The following CACNB1 variants were observed in gnomAD, a reference collection of about 807,000 sequenced individuals.
The protein encoded by CACNB1 is calcium voltage-gated channel auxiliary subunit beta 1.
CACNB1 carries 29 observed loss-of-function variants against 71.6 expected under a neutral mutation model. The observed-to-expected ratio is 0.40, with a 90% CI of 0.30 to 0.55. The LOEUF is 0.55. Ranked by LOEUF, CACNB1 falls within the 20% of genes least tolerant of loss-of-function variation. The pLI is 0.38. For synonymous variants in CACNB1, 300 were observed against 319.6 expected, an observed-to-expected ratio of 0.94 and a Z score of 0.65; for missense variants, 623 against 801.8, an observed-to-expected ratio of 0.78 and a Z score of 2.69.
At position 39,174,911 on chromosome 17, in the gene CACNB1, G is replaced by T. The variant is rs976225271; in HGVS notation, c.*282C>A. The T allele has an allele frequency of 2.2e-6, 1 of 453,766 alleles. No homozygotes were observed. The highest frequency in any genetic ancestry group is 3.9e-6 in the Non-Finnish European group (1 of 253,786). 28.1% of individuals were successfully genotyped at this position (453,766 alleles called of 1,614,324 possible). A position where few individuals can be genotyped will look rare whatever the true frequency, so the allele number is the denominator to read the frequency against. On this transcript the variant is annotated 3_prime_UTR_variant, in exon 14 of 14. Coordinates refer to ENST00000394303, the MANE Select transcript of CACNB1 (RefSeq NM_000723.5). ...GGAAGTGCACCTTTTCTCTAGGAGG[G>T]TGAGGGAGGAGAGCCCCTTAAGATG... is the stretch of plus-strand genomic sequence containing the variant.
intron 3 of CACNB1, 54 bp from the exon 4 acceptor site, chr17:39,187,655 T>C (rs1391324441): frequency 1.7e-5 from 27 of 1,596,740 alleles, no homozygotes; most frequent in Non-Finnish European, 2.1e-5. Flanking sequence ...CACAATGTAA[T>C]GTACAACTTC....
Position 39,186,003 on chromosome 17 carries a change from T to C in CACNB1, c.628+493A>G. On this transcript the variant is annotated intron_variant, in intron 6 of 13. Coordinates refer to ENST00000394303, the MANE Select transcript of CACNB1 (RefSeq NM_000723.5). This position sits in a 1 kb window ranked among gnomAD's most constrained non-coding sequence, Gnocchi z 4.1. ...TGGGGTGGCGGGGTGGTGACACTGC[T>C]AACACTAGTCTTGGCAGAGCCACTC... 1.2e-6 allele frequency: 2 copies of C among 1,613,792 alleles called. No homozygotes were observed. The highest frequency in any genetic ancestry group is 1.7e-6 in the Non-Finnish European group (2 of 1,179,894).
intron 3 of CACNB1, among the ~76,000 whole-genome samples, chr17:39,188,695 A>G (rs2046001583): frequency 6.6e-6 from 1 of 152,212 alleles, no homozygotes; most frequent in African/African-American, 2.4e-5. Flanking sequence ...CGGGGCACTC[A>G]GGAATGAAAA....
chr17:39,180,769 G>C (rs115493398), intron 11 of CACNB1, among the ~76,000 whole-genome samples: 1,805 of 152,092 alleles, frequency 0.012, 44 homozygotes, highest in African/African-American at 0.041. Context: ...ATAGAGACAG[G>C]GTCTTGCCAT....
At chr17:39,195,845 G>C (rs1028490370) in intron 1 of CACNB1, among the ~76,000 whole-genome samples, 2 of 152,168 alleles carry the variant, frequency 1.3e-5, no homozygotes, top group Non-Finnish European at 2.9e-5. Flanking sequence ...CACCACATGA[G>C]CCTAGGACAC....
chr17:39,182,428 C>G (rs1381038540), intron 11 of CACNB1, among the ~76,000 whole-genome samples: 1 of 151,824 alleles, frequency 6.6e-6, no homozygotes, highest in Non-Finnish European at 1.5e-5. Flanking sequence ...AGGCTGGGTG[C>G]GGTAGCTCAC....
At chr17:39,193,414 C>T (rs1050983945) in intron 2 of CACNB1, 14 of 435,466 alleles carry the variant, frequency 3.2e-5, no homozygotes, top group African/African-American at 2.7e-4. Flanking sequence ...AGAGGCTGTT[C>T]TACCCGCTGC....
chr17:39,175,328 G>A lies in CACNB1; in HGVS notation c.1662C>T (p.Asp554=), dbSNP rs376482465. The A allele has an allele frequency of 3.1e-6, 5 of 1,614,068 alleles. No homozygotes were observed. The African/African-American group carries it at 4.0e-5, about 13-fold the overall frequency. The stretch of plus-strand genomic sequence containing the variant: ...GGTTGTCGGTCAGCTCTTCCTCATA[G>A]TCTTCTTCCTCGTCCTCCCAGGATC... The part of the protein sequence containing the change: ...RQGSWEDEEE[D]YEEELTDNRN... The change falls in exon 14 of 14, where the codon GAC becomes GAT. Residue 554 remains aspartate (D), a synonymous_variant. Coordinates refer to ENST00000394303, the MANE Select transcript of CACNB1 (RefSeq NM_000723.5). The surrounding 1 kb of genome is among the most constrained non-coding windows in gnomAD (Gnocchi z 4.7).
At chr17:39,197,318 A>G (rs1435564212) in intron 1 of CACNB1, 94 bp downstream of exon 1, 11 of 690,728 alleles carry the variant, frequency 1.6e-5, no homozygotes, top group Non-Finnish European at 2.4e-5. Flanking sequence ...CGCGCCCGGC[A>G]TATAACCCCT....
At chr17:39,193,515 G>T (rs969525902) in intron 2 of CACNB1, 5 of 444,390 alleles carry the variant, frequency 1.1e-5, no homozygotes, top group Non-Finnish European at 2.3e-5. Flanking sequence ...CTGGCCTAGG[G>T]GGTGGCCCAA....
Position 39,175,323 on chromosome 17 carries a change from T to C in CACNB1, c.1667A>G (p.Glu556Gly), listed in dbSNP as rs1052880399. ...GTTCCGGTTGTCGGTCAGCTCTTCC[T>C]CATAGTCTTCTTCCTCGTCCTCCCA... The part of the protein sequence containing the change: ...GSWEDEEEDY[E>G]EELTDNRNRG... Residue 556 changes from glutamate to glycine, a missense_variant, in exon 14 of 14, where the codon GAG (glutamate) becomes GGG (glycine). Transcript: ENST00000394303. This position sits in a 1 kb window ranked among gnomAD's most constrained non-coding sequence, Gnocchi z 4.7. The C allele has an allele frequency of 2.4e-5, 38 of 1,614,018 alleles. 1 individual carries two copies. Among genetic ancestry groups the C allele is most frequent in the Non-Finnish European group, 3.1e-5 (37 of 1,180,006 alleles).
intron 3 of CACNB1, among the ~76,000 whole-genome samples, chr17:39,190,671 G>A (rs1354673968): frequency 6.6e-6 from 1 of 151,228 alleles, no homozygotes; most frequent in African/African-American, 2.4e-5. Context: ...CAAGTGATCC[G>A]CCCAACCGGG....
chr17:39,193,301 T>C (rs546452589), intron 2 of CACNB1: 1 of 328,206 alleles, frequency 3.0e-6, no homozygotes, highest in African/African-American at 2.3e-5. Flanking sequence ...CAGACACATG[T>C]ACGCGCATAC....
At position 39,196,588 on chromosome 17, in the gene CACNB1, G is replaced by A. The variant is rs372348571; in HGVS notation, c.84+824C>T. Among the ~76,000 whole-genome samples, 22 of 152,150 alleles carry A rather than the reference G, an allele frequency of 1.4e-4. No homozygotes were observed. The South Asian group carries it at 2.3e-3, about 16-fold the overall frequency. On this transcript the variant is annotated intron_variant, in intron 1 of 13. Coordinates refer to ENST00000394303, the MANE Select transcript of CACNB1 (RefSeq NM_000723.5). ...CACTCCCAAAGAAATCCCCTGGCGC[G>A]ACCATCCCAGAGCCTGCTGGTCACC...
intron 3 of CACNB1, among the ~76,000 whole-genome samples, chr17:39,190,987 A>G (rs1326750208): frequency 5.3e-5 from 8 of 151,796 alleles, no homozygotes; most frequent in South Asian, 2.1e-4. Context: ...GGCGGATCAC[A>G]AGGTCAGGAG....
chr17:39,176,173 C>G (rs2045573009), intron 13 of CACNB1, among the ~76,000 whole-genome samples: 1 of 152,208 alleles, frequency 6.6e-6, no homozygotes, highest in African/African-American at 2.4e-5. Context: ...AGTCGGATGA[C>G]ACCATCTCCA....
chr17:39,181,297 T>C (rs1275425246), intron 11 of CACNB1, among the ~76,000 whole-genome samples: 2 of 152,146 alleles, frequency 1.3e-5, no homozygotes, highest in Non-Finnish European at 2.9e-5. Context: ...TTTCATCATG[T>C]TGCCCAGGCT....
At chr17:39,185,662 G>A (rs564752661) in intron 6 of CACNB1, among the ~76,000 whole-genome samples, 20 of 152,070 alleles carry the variant, frequency 1.3e-4, no homozygotes, top group South Asian at 4.2e-4. Context: ...ACCAGAGCAG[G>A]CCCCTGGGAG....
rs536940692 is a variant in CACNB1, at chr17:39,197,599, G to T, written c.-104C>A. 3 of 842,074 alleles carry T rather than the reference G, an allele frequency of 3.6e-6. No homozygotes were observed. In the East Asian group the frequency reaches 1.0e-4, roughly 28 times the overall value. 52.2% of individuals were successfully genotyped at this position (842,074 alleles called of 1,614,324 possible). ...AAGCAGCGCGGCGCAGCCAGCACCCGGTCCAGCCACCCAGCTCGGCCTTCG... is the reference window on the plus strand; with the variant it reads ...AAGCAGCGCGGCGCAGCCAGCACCCTGTCCAGCCACCCAGCTCGGCCTTCG... On this transcript the variant is annotated 5_prime_UTR_variant, in exon 1 of 14. Coordinates refer to ENST00000394303, the MANE Select transcript of CACNB1 (RefSeq NM_000723.5).
Sources: gnomAD v4.1 joint callset for allele counts (sites outside exome capture counted in the v4.1 genomes callset) on GRCh38, gnomAD v4.1.1 for gene constraint, Gnocchi (gnomAD v3.1) non-coding constraint, MANE v1.5 for transcripts, NCBI Gene and HGNC (gene_info 2026-07-23, HGNC 2026-07-21) for gene names.